Variants in RBM26 observed in about 807,000 individuals in gnomAD.
RBM26 encodes the protein RNA-binding protein 26.
Under a neutral mutation model 123.6 loss-of-function variants are expected in RBM26, and 30 were observed. That is an observed-to-expected ratio of 0.24 (90% confidence interval 0.18 to 0.33). The LOEUF is 0.33. RBM26 is among the 10% of genes least tolerant of loss of function. The pLI is 1.00. For synonymous variants in RBM26, 400 were observed against 404.4 expected (o/e 0.99, Z 0.13); for missense variants, 947 against 1,203.6 (o/e 0.79, Z 3.15).
At chr13:79,343,412 G>A (rs1435395804) in intron 16 of RBM26, among the ~76,000 whole-genome samples, 1 of 151,804 alleles carries the variant, frequency 6.6e-6, no homozygotes, top group Non-Finnish European at 1.5e-5. Flanking sequence ...GAATTAGGAT[G>A]GCTTCAGTTT....
chr13:79,376,732 A>G (rs1375712518), intron 3 of RBM26: 1 of 152,182 alleles, frequency 6.6e-6, no homozygotes, highest in African/African-American at 2.4e-5. Flanking sequence ...CAACCTAATT[A>G]TTTTCATAGA....
Position 79,337,094 on chromosome 13 carries a change from G to T in RBM26, c.2733+8C>A. The T allele has an allele frequency of 6.2e-7, 1 of 1,611,488 alleles. No homozygotes were observed. Among genetic ancestry groups the T allele is most frequent in the Non-Finnish European group, 8.5e-7 (1 of 1,177,956 alleles). ...CAGCATTTGTTTTGTTGAGCAGTAA[G>T]AAAGTACCGCAAAATGAGGAAGAAG... is the stretch of plus-strand genomic sequence containing the variant. On this transcript the variant is annotated splice_region_variant and intron_variant, in intron 19 of 21. Transcript: ENST00000438737.
downstream of RBM26, chr13:79,314,899 T>A: frequency 1.1e-6 from 1 of 873,888 alleles, no homozygotes; most frequent in South Asian, 1.5e-5. Context: ...CATAAAATAA[T>A]AGGATGATAT....
At chr13:79,354,715 A>T in intron 12 of RBM26, 145 bp from the exon 13 acceptor site, 1 of 606,032 alleles carries the variant, frequency 1.7e-6, no homozygotes, top group Non-Finnish European at 2.6e-6. Flanking sequence ...TTCTAATTTC[A>T]TCCACACATA....
intron 3 of RBM26, among the ~76,000 whole-genome samples, chr13:79,373,614 A>G (rs903467038): frequency 2.7e-5 from 3 of 110,058 alleles, no homozygotes; most frequent in Non-Finnish European, 5.1e-5. Flanking sequence ...TAGTATATTT[A>G]TATATTATAT....
chr13:79,403,400 T>C (rs9601226), intron 1 of RBM26, among the ~76,000 whole-genome samples: 73,172 of 151,984 alleles, frequency 0.48, 18,162 homozygotes, highest in East Asian at 0.72. Flanking sequence ...ATATGTTTCA[T>C]TAAGACTAAA....
intron 3 of RBM26, chr13:79,376,726 C>T (rs866406324): frequency 6.6e-6 from 1 of 152,184 alleles, no homozygotes; most frequent in African/African-American, 2.4e-5. Flanking sequence ...AATTGTCAAC[C>T]TAATTATTTT....
intron 3 of RBM26, among the ~76,000 whole-genome samples, chr13:79,373,713 ATTAC>A (rs1566511093): frequency 3.7e-5 from 2 of 54,486 alleles, no homozygotes; most frequent in South Asian, 7.2e-4. Flanking sequence ...ATATATATAT[ATTAC>A]TATATATAAT....
At chr13:79,316,171 T>C (rs930587747), downstream of RBM26, among the ~76,000 whole-genome samples, 4 of 146,230 alleles carry the variant, frequency 2.7e-5, no homozygotes, top group Admixed American at 6.9e-5. Context: ...AAGGCTAATA[T>C]AGACTTTTGT....
intron 19 of RBM26, among the ~76,000 whole-genome samples, chr13:79,335,222 T>G (rs935053617): frequency 2.0e-5 from 3 of 152,092 alleles, no homozygotes; most frequent in African/African-American, 7.2e-5. Context: ...GTAAAGAGAA[T>G]GTCCTAGAGC....
At chr13:79,344,893 G>T (rs1594139465) in intron 14 of RBM26, 99 bp from the exon 15 acceptor site, 2 of 1,097,924 alleles carry the variant, frequency 1.8e-6, no homozygotes, top group African/African-American at 1.6e-5. Flanking sequence ...TTAAACTTCA[G>T]CTTCAAAACA....
chr13:79,390,691 A>C (rs2077889690), intron 1 of RBM26, among the ~76,000 whole-genome samples: 1 of 152,208 alleles, frequency 6.6e-6, no homozygotes, highest in Non-Finnish European at 1.5e-5. Context: ...GAACCAAAGG[A>C]TAATAGTGAC....
intron 13 of RBM26, 33 bp from the exon 14 acceptor site, chr13:79,353,257 TC>T (rs1339670141): frequency 4.1e-6 from 5 of 1,225,122 alleles, no homozygotes; most frequent in Non-Finnish European, 5.8e-6. Context: ...ATTCAGTGTT[TC>T]CCCAAACATA....
At chr13:79,390,578 G>A (rs1566574763) in intron 1 of RBM26, among the ~76,000 whole-genome samples, 1 of 152,110 alleles carries the variant, frequency 6.6e-6, no homozygotes, top group South Asian at 2.1e-4. Context: ...GCACTTGATT[G>A]TATCTGTATT....
chr13:79,351,159 A>G (rs949785677), intron 14 of RBM26, among the ~76,000 whole-genome samples: 1 of 152,170 alleles, frequency 6.6e-6, no homozygotes, highest in East Asian at 1.9e-4. Context: ...TATAAAAGCT[A>G]TGAGTACACA....
intron 11 of RBM26, among the ~76,000 whole-genome samples, chr13:79,357,183 A>C (rs2074122284): frequency 6.6e-6 from 1 of 152,140 alleles, no homozygotes; most frequent in Non-Finnish European, 1.5e-5. Flanking sequence ...ATTTCCTTTA[A>C]ATTCTATGTA....
At chr13:79,386,170 C>T (rs917263911) in intron 1 of RBM26, among the ~76,000 whole-genome samples, 1 of 151,594 alleles carries the variant, frequency 6.6e-6, no homozygotes, top group Admixed American at 6.6e-5. Flanking sequence ...AAGTTTTACA[C>T]TTTTTGCAAA....
chr13:79,332,408 T>C (rs1246861825), intron 20 of RBM26, among the ~76,000 whole-genome samples: 6 of 152,170 alleles, frequency 3.9e-5, no homozygotes, highest in Admixed American at 3.3e-4. Flanking sequence ...TTCCCTGAAA[T>C]CCAAAAGTTT....
At chr13:79,367,003 T>C in intron 6 of RBM26, 131 bp from the exon 7 acceptor site, 1 of 710,146 alleles carries the variant, frequency 1.4e-6, no homozygotes. Context: ...ATTAACCATT[T>C]CCCAAGAGCT....
Sources: allele counts gnomAD v4.1 joint callset (sites outside exome capture counted in the v4.1 genomes callset), GRCh38; gene constraint gnomAD v4.1.1; transcripts MANE v1.5; gene names NCBI Gene and HGNC (gene_info 2026-07-23, HGNC 2026-07-21).